Variants in PKIB observed in about 807,000 individuals in gnomAD.
PKIB encodes cAMP-dependent protein kinase inhibitor beta.
A neutral mutation model predicts 4.5 loss-of-function variants in PKIB; 2 were observed. The observed-to-expected ratio is 0.44, with a 90% CI of 0.18 to 1.39. PKIB has a LOEUF of 1.39. Among genes scored for constraint, PKIB ranks in the 40% most tolerant of loss-of-function variants. The probability of loss-of-function intolerance (pLI) is 0.27; values close to 1 mark genes in which losing one functional copy is unlikely to be tolerated. For missense variants in PKIB, 94 were observed against 92.6 expected (o/e 1.02, Z -0.06); for synonymous variants, 38 against 36.0 (o/e 1.06, Z -0.20).
intron 3 of PKIB, among the ~76,000 whole-genome samples, chr6:122,707,079 T>C (rs944831015): frequency 6.6e-6 from 1 of 152,146 alleles, no homozygotes; most frequent in Non-Finnish European, 1.5e-5. Flanking sequence ...AATGTATCAA[T>C]TTAAATAATG....
Position 122,549,909 on chromosome 6 carries a change from C to CATAT in PKIB, c.-247-36002_-247-35999dup, listed in dbSNP as rs35702783. Among the ~76,000 whole-genome samples, 9 of 148,290 alleles carry CATAT rather than the reference C, an allele frequency of 6.1e-5. No homozygotes were observed. In the East Asian group the frequency reaches 1.8e-3, roughly 29 times the overall value. On this transcript the variant is annotated intron_variant, in intron 2 of 6. Transcript: ENST00000392491. ...TTATATATACACACACACACACACA[C>CATAT]ATATATATATATACACATTTTTTGA...
At chr6:122,532,217 G>C (rs1777279630) in intron 2 of PKIB, among the ~76,000 whole-genome samples, 1 of 152,130 alleles carries the variant, frequency 6.6e-6, no homozygotes, top group Admixed American at 6.6e-5. Flanking sequence ...CTTCCACCTA[G>C]TTTAATCAAC....
At chr6:122,472,049 CA>C in intron 1 of PKIB, 1 of 465,250 alleles carries the variant, frequency 2.1e-6, no homozygotes, top group Non-Finnish European at 3.8e-6. Context: ...ACGGTGTGAG[CA>C]AAACCCACCT....
intron 3 of PKIB, among the ~76,000 whole-genome samples, chr6:122,589,706 C>T (rs527548977): frequency 2.0e-4 from 31 of 152,058 alleles, no homozygotes; most frequent in Non-Finnish European, 3.5e-4. Context: ...CATTCTAGGC[C>T]GGCTCATGTT....
intron 3 of PKIB, among the ~76,000 whole-genome samples, chr6:122,713,074 A>G (rs781143562): frequency 3.3e-5 from 5 of 152,040 alleles, no homozygotes; most frequent in Non-Finnish European, 7.4e-5. Flanking sequence ...AGATGCTGGC[A>G]TGTGTGTATA....
chr6:122,500,466 C>T (rs1340873125), intron 2 of PKIB, among the ~76,000 whole-genome samples: 3 of 152,148 alleles, frequency 2.0e-5, no homozygotes, highest in Non-Finnish European at 2.9e-5. Flanking sequence ...AAAACAATTT[C>T]CTTTGAGTCA....
chr6:122,526,186 C>CT, intron 2 of PKIB, among the ~76,000 whole-genome samples: 2 of 152,250 alleles, frequency 1.3e-5, no homozygotes, highest in Middle Eastern at 6.8e-3. Flanking sequence ...ATTTTTACCA[C>CT]TTTTTTAGTT....
intron 3 of PKIB, among the ~76,000 whole-genome samples, chr6:122,594,339 T>G (rs1774107516): frequency 6.6e-6 from 1 of 151,908 alleles, no homozygotes; most frequent in Admixed American, 6.6e-5. Flanking sequence ...TCCCGAAAGC[T>G]GAGATTACAG....
intron 3 of PKIB, among the ~76,000 whole-genome samples, chr6:122,677,653 G>T (rs192591604): frequency 1.4e-4 from 22 of 152,274 alleles, no homozygotes; most frequent in East Asian, 9.7e-4. Context: ...TGTTGGAGAT[G>T]ATCTAGTTCA....
At chr6:122,585,783 G>C (rs1011846434) in intron 2 of PKIB, 2 of 152,042 alleles carry the variant, frequency 1.3e-5, no homozygotes, top group Non-Finnish European at 2.9e-5. Context: ...TTTAAAATGT[G>C]CAACAATATA....
intron 2 of PKIB, among the ~76,000 whole-genome samples, chr6:122,521,967 C>A (rs542214040): frequency 6.6e-6 from 1 of 152,236 alleles, no homozygotes; most frequent in Non-Finnish European, 1.5e-5. Context: ...ACTTGAACTG[C>A]CACTGCACTG....
At chr6:122,576,690 A>AAATATG (rs1562257601) in intron 2 of PKIB, among the ~76,000 whole-genome samples, 1 of 3,158 alleles carries the variant, frequency 3.2e-4, no homozygotes, top group Non-Finnish European at 7.0e-4. Flanking sequence ...AAAAAAAAAA[A>AAATATG]TATATATATA....
At chr6:122,499,821 T>C (rs913050619) in intron 2 of PKIB, among the ~76,000 whole-genome samples, 2 of 152,092 alleles carry the variant, frequency 1.3e-5, no homozygotes, top group African/African-American at 4.8e-5. Flanking sequence ...CCCTAAAGAC[T>C]TCACCAAAAG....
At chr6:122,561,999 T>TTTTTTTTTTTTTTTTTTTTTTTC (rs1773039739) in intron 2 of PKIB, among the ~76,000 whole-genome samples, 1 of 131,756 alleles carries the variant, frequency 7.6e-6, no homozygotes, top group Non-Finnish European at 1.5e-5. Context: ...TTTTTGTTTT[T>TTTTTTTTTTTTTTTTTTTTTTTC]TTTTGTTTTT....
At chr6:122,653,905 C>T (rs554090956) in intron 2 of PKIB, among the ~76,000 whole-genome samples, 5 of 152,114 alleles carry the variant, frequency 3.3e-5, no homozygotes, top group East Asian at 3.9e-4. Flanking sequence ...TTGCAGTTAG[C>T]GGAGATCGCG....
At chr6:122,590,483 T>C (rs1195836030) in intron 3 of PKIB, among the ~76,000 whole-genome samples, 1 of 152,104 alleles carries the variant, frequency 6.6e-6, no homozygotes, top group Non-Finnish European at 1.5e-5. Flanking sequence ...AATGAAGTAA[T>C]AAAAGAAAAG....
At chr6:122,703,886 C>A (rs1289898361) in intron 3 of PKIB, among the ~76,000 whole-genome samples, 1 of 148,790 alleles carries the variant, frequency 6.7e-6, no homozygotes, top group Non-Finnish European at 1.5e-5. Flanking sequence ...CAAAAATGCT[C>A]GCTCTCTATA....
chr6:122,501,432 A>C (rs1291729713), intron 2 of PKIB, among the ~76,000 whole-genome samples: 42 of 152,212 alleles, frequency 2.8e-4, no homozygotes, highest in Non-Finnish European at 5.9e-5. Flanking sequence ...GTTTCTATAC[A>C]TCCTCTGATA....
chr6:122,594,688 G>T (rs777046463), intron 3 of PKIB, among the ~76,000 whole-genome samples: 5 of 152,106 alleles, frequency 3.3e-5, no homozygotes, highest in Non-Finnish European at 7.3e-5. Context: ...ATCTCAACAG[G>T]TCGTGGTTTT....
Sources: allele counts gnomAD v4.1 joint callset (sites outside exome capture counted in the v4.1 genomes callset), GRCh38; gene constraint gnomAD v4.1.1; transcripts MANE v1.5; gene names NCBI Gene and HGNC (gene_info 2026-07-23, HGNC 2026-07-21).